The following SND1 variants were observed in gnomAD, a reference collection of about 807,000 sequenced individuals.
SND1 encodes the protein staphylococcal nuclease domain-containing protein 1.
A neutral mutation model predicts 121.7 loss-of-function variants in SND1; 38 were observed. That is an observed-to-expected ratio of 0.31 (90% CI 0.24 to 0.41). SND1 has a LOEUF of 0.41. SND1 is among the 10% of genes least tolerant of loss of function. The pLI is 1.00. For synonymous variants in SND1, 401 were observed against 447.4 expected, an observed-to-expected ratio of 0.90 and a Z score of 1.31; for missense variants, 868 against 1,184.6, an observed-to-expected ratio of 0.73 and a Z score of 3.92.
In SND1 at chr7:127,652,259, C is replaced by A. The variant is rs904975620; in HGVS notation, c.-115C>A. The A allele has an allele frequency of 4.6e-6, 4 of 875,276 alleles. No homozygotes were observed. In the African/African-American group the frequency reaches 5.0e-5, roughly 11 times the overall value. The allele number at this position is 875,276 out of a possible 1,614,324, so 54.2% of individuals were successfully genotyped here. ...CGGCGAGTCCGTCCCGTCCACCGTCCGCAGCTGGTAGCCAGCCTGCCCCTC... is the reference window on the plus strand; with the variant it reads ...CGGCGAGTCCGTCCCGTCCACCGTCAGCAGCTGGTAGCCAGCCTGCCCCTC... On this transcript the variant is annotated 5_prime_UTR_variant, in exon 1 of 24. Coordinates refer to ENST00000354725, the MANE Select transcript of SND1 (RefSeq NM_014390.4).
At position 128,030,146 on chromosome 7, in the gene SND1, G is replaced by A. The variant is rs770955167; in HGVS notation, c.1779+39090G>A. 4.3e-6 allele frequency: 7 copies of A among 1,614,212 alleles called. No individual in the cohort carries two copies. The South Asian group carries it at 5.5e-5, about 13-fold the overall frequency. ...TGAGGGAGGGCACCCGGTTGAAGGC[G>A]TAAGAGGGGATGCTTTCGATGGGGT... On this transcript the variant is annotated intron_variant, in intron 16 of 23. Transcript: ENST00000354725.
At chr7:127,971,804 ACT>A (rs956357543) in intron 15 of SND1, among the ~76,000 whole-genome samples, 7 of 139,082 alleles carry the variant, frequency 5.0e-5, no homozygotes, top group African/African-American at 1.9e-4. Context: ...TCGGAGTCTC[ACT>A]CTGTCGCCCA....
At chr7:127,935,298 C>T (rs535364833) in intron 15 of SND1, among the ~76,000 whole-genome samples, 3 of 152,224 alleles carry the variant, frequency 2.0e-5, no homozygotes, top group South Asian at 2.1e-4. Context: ...GCATCTTGTG[C>T]GCTTTTAGAA....
chr7:128,070,348 C>A (rs1235675049), intron 16 of SND1, among the ~76,000 whole-genome samples: 1 of 152,226 alleles, frequency 6.6e-6, no homozygotes, highest in East Asian at 1.9e-4. Context: ...CATGCACACA[C>A]ATACTCTGGT....
At chr7:127,677,573 G>T (rs1390991790) in intron 1 of SND1, among the ~76,000 whole-genome samples, 1 of 152,190 alleles carries the variant, frequency 6.6e-6, no homozygotes, top group African/African-American at 2.4e-5. Context: ...ACTCTGTAAA[G>T]GGCCAGGTAA....
intron 11 of SND1, among the ~76,000 whole-genome samples, chr7:127,828,561 A>T (rs1336419822): frequency 1.3e-5 from 2 of 152,150 alleles, no homozygotes; most frequent in Non-Finnish European, 2.9e-5. Flanking sequence ...TTATTGTATC[A>T]TGATGCTTCT....
At chr7:127,671,337 TA>T (rs1323474624) in intron 1 of SND1, among the ~76,000 whole-genome samples, 1 of 152,246 alleles carries the variant, frequency 6.6e-6, no homozygotes. Context: ...TCTCTATATT[TA>T]TTACATCCAA....
intron 12 of SND1, among the ~76,000 whole-genome samples, chr7:127,858,857 G>A (rs1799330130): frequency 6.6e-6 from 1 of 152,212 alleles, no homozygotes; most frequent in Admixed American, 6.5e-5. Flanking sequence ...CTTCCAGTTA[G>A]CAGTGGCGTG....
chr7:127,839,633 A>G (rs1798927995), intron 11 of SND1, among the ~76,000 whole-genome samples: 1 of 152,176 alleles, frequency 6.6e-6, no homozygotes, highest in Non-Finnish European at 1.5e-5. Flanking sequence ...AGACTTTACA[A>G]GCAATTAATA....
intron 16 of SND1, among the ~76,000 whole-genome samples, chr7:128,059,416 T>C (rs1793195895): frequency 6.6e-6 from 1 of 152,256 alleles, no homozygotes; most frequent in South Asian, 2.1e-4. Flanking sequence ...CAGTGCCTAA[T>C]ACAGTGCTTT....
chr7:128,078,186 A>T (rs999015245), intron 17 of SND1, among the ~76,000 whole-genome samples: 16 of 152,156 alleles, frequency 1.1e-4, no homozygotes, highest in Non-Finnish European at 2.4e-4. Context: ...GTCCCAGCTG[A>T]CTGACTCCTT....
At chr7:128,012,268 G>A (rs191772641) in intron 16 of SND1, among the ~76,000 whole-genome samples, 56 of 152,228 alleles carry the variant, frequency 3.7e-4, no homozygotes, top group African/African-American at 1.3e-3. Flanking sequence ...CTTCAGGAGC[G>A]TACAACTAGA....
intron 14 of SND1, among the ~76,000 whole-genome samples, chr7:127,922,175 CTTTTTT>C (rs1158535023): frequency 1.7e-3 from 95 of 57,194 alleles, no homozygotes; most frequent in African/African-American, 3.7e-3. Flanking sequence ...TTTTTCTTTC[CTTTTTT>C]TTTTTTTTTT....
chr7:127,962,861 A>T (rs770982710), intron 15 of SND1, among the ~76,000 whole-genome samples: 1 of 152,210 alleles, frequency 6.6e-6, no homozygotes, highest in African/African-American at 2.4e-5. Context: ...CAGGCATAAC[A>T]TGTTCTTAAC....
chr7:128,022,913 G>A (rs1238329515), intron 16 of SND1, among the ~76,000 whole-genome samples: 2 of 152,166 alleles, frequency 1.3e-5, no homozygotes, highest in Non-Finnish European at 2.9e-5. Flanking sequence ...TGTACCAGAG[G>A]ATAAAACCTG....
intron 12 of SND1, among the ~76,000 whole-genome samples, chr7:127,886,076 A>C (rs571295019): frequency 6.6e-6 from 1 of 152,202 alleles, no homozygotes; most frequent in African/African-American, 2.4e-5. Context: ...CTCTGTGATA[A>C]TGACAGCATT....
At chr7:127,923,860 C>T (rs544246103) in intron 14 of SND1, among the ~76,000 whole-genome samples, 124 of 152,232 alleles carry the variant, frequency 8.1e-4, no homozygotes, top group African/African-American at 3.0e-3. Flanking sequence ...GCTTCAGTAT[C>T]CTTAACGATT....
intron 1 of SND1, among the ~76,000 whole-genome samples, chr7:127,666,060 G>T (rs1365911035): frequency 6.6e-6 from 1 of 152,198 alleles, no homozygotes; most frequent in Non-Finnish European, 1.5e-5. Context: ...CCAGGAGGCT[G>T]CCTCTATCAC....
intron 1 of SND1, 136 bp from the exon 2 acceptor site, chr7:127,686,477 G>C (rs1795814247): frequency 4.6e-6 from 4 of 871,474 alleles, no homozygotes; most frequent in Non-Finnish European, 6.8e-6. Flanking sequence ...TGTTTATTTA[G>C]TCATTCAACA....
Sources: allele counts gnomAD v4.1 joint callset (sites outside exome capture counted in the v4.1 genomes callset), GRCh38; gene constraint gnomAD v4.1.1; transcripts MANE v1.5; gene names NCBI Gene and HGNC (gene_info 2026-07-23, HGNC 2026-07-21).